Variants in WDR35 observed in about 807,000 individuals in gnomAD.
WDR35 encodes the protein WD repeat-containing protein 35.
Under a neutral mutation model 158.3 loss-of-function variants are expected in WDR35, and 118 were observed. The observed-to-expected ratio is 0.75, with a 90% confidence interval of 0.64 to 0.87. The LOEUF (loss-of-function observed/expected upper bound fraction) is 0.87. WDR35 is among the 40% of genes least tolerant of loss of function. WDR35 has a pLI of 0.00. For synonymous variants in WDR35, 448 were observed against 476.1 expected, an observed-to-expected ratio of 0.94 and a Z score of 0.77; for missense variants, 1,263 against 1,405.8, an observed-to-expected ratio of 0.90 and a Z score of 1.62.
chr2:19,974,721 A>T, intron 6 of WDR35, 88 bp from the exon 7 acceptor site: 1 of 1,277,896 alleles, frequency 7.8e-7, no homozygotes, highest in Non-Finnish European at 1.1e-6. Flanking sequence ...TAGAAAGAAC[A>T]CTGAAAAATA....
chr2:19,969,264 T>C (rs1410319640), intron 9 of WDR35, among the ~76,000 whole-genome samples: 2 of 152,214 alleles, frequency 1.3e-5, no homozygotes, highest in Admixed American at 1.3e-4. Flanking sequence ...CAATTACTCC[T>C]TTGAGTGTAC....
chr2:19,963,477 G>C (rs1671735384), intron 10 of WDR35, among the ~76,000 whole-genome samples: 3 of 152,086 alleles, frequency 2.0e-5, no homozygotes, highest in Admixed American at 2.0e-4. Context: ...ATGTCAGGTA[G>C]TCTATTGTTA....
rs1670448352 is a variant in WDR35 at position 19,929,075 on chromosome 2, G to C, written c.3121+1321C>G. On this transcript the variant is annotated intron_variant, in intron 25 of 26. Transcript: ENST00000281405. ...ACCCGCCTCAGCCTCCCAAAGTGCTGGGATTACAGGCATGAGCCACTGCAC... is the reference window on the plus strand; with the variant it reads ...ACCCGCCTCAGCCTCCCAAAGTGCTCGGATTACAGGCATGAGCCACTGCAC... Among the ~76,000 whole-genome samples, 3 of 152,116 alleles carry C rather than the reference G, an allele frequency of 2.0e-5. No homozygotes were observed. In the South Asian group the frequency reaches 6.2e-4, roughly 31 times the overall value.
At chr2:19,988,763 A>G (rs1672651713) in intron 2 of WDR35, among the ~76,000 whole-genome samples, 1 of 152,204 alleles carries the variant, frequency 6.6e-6, no homozygotes, top group African/African-American at 2.4e-5. Context: ...GTTCTTGGAC[A>G]CTAGGTGAAT....
At chr2:19,924,346 C>G (rs370593370) in intron 25 of WDR35, among the ~76,000 whole-genome samples, 2 of 152,140 alleles carry the variant, frequency 1.3e-5, no homozygotes, top group East Asian at 3.9e-4. Context: ...GGGTGGATCA[C>G]AAGGTCAGGA....
At position 19,931,490 on chromosome 2, in the gene WDR35, T is replaced by A. The variant is rs1021795053; in HGVS notation, c.2824-81A>T. 9.2e-6 allele frequency: 14 copies of A among 1,529,388 alleles called. No individual in the cohort carries two copies. The African/African-American group carries it at 1.9e-4, about 21-fold the overall frequency. The allele number at this position is 1,529,388 out of a possible 1,614,324, so 94.7% of individuals were successfully genotyped here. A position where few individuals can be genotyped will look rare whatever the true frequency, so the allele number is the denominator to read the frequency against. ...ACAATCATTTCCAAAACTAACAAAT[T>A]TGATTCCCTAAAAAAGGAGGAAAAT... On this transcript the variant is annotated intron_variant, in intron 23 of 26. Coordinates refer to ENST00000281405, the MANE Select transcript of WDR35 (RefSeq NM_020779.4).
At chr2:19,980,546 C>T (rs1434857539) in intron 4 of WDR35, 145 bp downstream of exon 4, 5 of 672,846 alleles carry the variant, frequency 7.4e-6, no homozygotes, top group African/African-American at 1.8e-5. Context: ...GCAATAAATC[C>T]AGAAATATTA....
At chr2:19,961,310 A>G (rs2103436840) in intron 10 of WDR35, among the ~76,000 whole-genome samples, 1 of 152,356 alleles carries the variant, frequency 6.6e-6, no homozygotes, top group East Asian at 1.9e-4. Context: ...CAAGGAAAAA[A>G]TGAATCTCAT....
chr2:19,932,146 T>A, intron 23 of WDR35, 137 bp downstream of exon 23: 1 of 1,072,386 alleles, frequency 9.3e-7, no homozygotes, highest in South Asian at 1.5e-5. Flanking sequence ...TAAAATAATG[T>A]ATACAGAAGC....
chr2:19,923,203 T>G (rs997746895), intron 25 of WDR35, among the ~76,000 whole-genome samples: 3 of 152,186 alleles, frequency 2.0e-5, no homozygotes, highest in Non-Finnish European at 4.4e-5. Context: ...GTGTGTGTGT[T>G]TTTAATTCCT....
At chr2:19,975,716 G>C (rs893728797) in intron 5 of WDR35, 53 bp from the exon 6 acceptor site, 65 of 1,610,832 alleles carry the variant, frequency 4.0e-5, no homozygotes, top group Non-Finnish European at 5.5e-5. Context: ...TCCAACAACG[G>C]CTTTCGAAAT....
Position 19,932,073 on chromosome 2 carries a change from T to C in WDR35, c.2823+210A>G, listed in dbSNP as rs560891161. On this transcript the variant is annotated intron_variant, in intron 23 of 26. Transcript: ENST00000281405. ...TTAACTCCAGTATTCAACATACAAT[T>C]GTTTAGGTATTAGTAAGTTGCTAAT... Among the ~76,000 whole-genome samples, 10 of 152,248 alleles carry C rather than the reference T, an allele frequency of 6.6e-5. No homozygotes were observed. In the East Asian group the frequency reaches 1.7e-3, roughly 26 times the overall value.
At position 19,975,541 on chromosome 2, in the gene WDR35, C is replaced by T. The variant is rs777578797; in HGVS notation, c.559G>A (p.Gly187Arg). Residue 187 changes from glycine (G) to arginine (R), a missense_variant, in exon 6 of 27, where the codon GGA becomes AGA. By Grantham distance (125) the Gly-to-Arg change is moderately radical. Coordinates refer to ENST00000281405, the MANE Select transcript of WDR35 (RefSeq NM_020779.4). ...ATACACTTACTTACCATAAAATTTC[C>T]TTGATTATCGTAAATGTGTATTTCC... ...NGEIHIYDNQ[G>R]NFMIKMKLSC... The T allele has an allele frequency of 1.2e-6, 2 of 1,613,020 alleles. No homozygotes were observed. Among genetic ancestry groups the T allele is most frequent in the Non-Finnish European group, 1.7e-6 (2 of 1,179,402 alleles).
chr2:19,948,037 A>C, intron 14 of WDR35, 127 bp downstream of exon 14: 2 of 728,502 alleles, frequency 2.7e-6, no homozygotes, highest in Non-Finnish European at 4.4e-6. Flanking sequence ...TCCTGGCCTC[A>C]AGCAATCCTC....
At chr2:19,973,037 G>A (rs1672079328) in intron 8 of WDR35, among the ~76,000 whole-genome samples, 1 of 151,944 alleles carries the variant, frequency 6.6e-6, no homozygotes, top group Non-Finnish European at 1.5e-5. Context: ...GTACATTTAT[G>A]AAAACAATGC....
At chr2:19,961,716 T>C (rs1396503439) in intron 10 of WDR35, among the ~76,000 whole-genome samples, 1 of 152,138 alleles carries the variant, frequency 6.6e-6, no homozygotes, top group Non-Finnish European at 1.5e-5. Flanking sequence ...GCTCAAGGCA[T>C]TTTGCTTGTT....
At chr2:19,944,956 T>A (rs950632915) in intron 16 of WDR35, among the ~76,000 whole-genome samples, 2 of 152,158 alleles carry the variant, frequency 1.3e-5, no homozygotes, top group African/African-American at 4.8e-5. Context: ...ATTTATTAAC[T>A]TATTCCTTAT....
At chr2:19,983,190 G>T (rs2103465721) in intron 2 of WDR35, among the ~76,000 whole-genome samples, 1 of 152,166 alleles carries the variant, frequency 6.6e-6, no homozygotes, top group East Asian at 1.9e-4. Context: ...CAGAAGAACT[G>T]ATATTTAAGC....
intron 11 of WDR35, among the ~76,000 whole-genome samples, chr2:19,959,876 T>C (rs573797052): frequency 1.3e-5 from 2 of 152,062 alleles, no homozygotes; most frequent in Non-Finnish European, 2.9e-5. Flanking sequence ...AAATCATTAC[T>C]TTTGGAAGTT....
Sources: allele counts gnomAD v4.1 joint callset (sites outside exome capture counted in the v4.1 genomes callset), GRCh38; gene constraint gnomAD v4.1.1; transcripts MANE v1.5; gene names NCBI Gene and HGNC (gene_info 2026-07-23, HGNC 2026-07-21).